The following ROR1 variants were observed in gnomAD, a reference collection of about 807,000 sequenced individuals.
The protein encoded by ROR1 is inactive tyrosine-protein kinase transmembrane receptor ROR1.
A neutral mutation model predicts 78.8 loss-of-function variants in ROR1; 19 were observed. That is an observed-to-expected ratio of 0.24 (90% CI 0.17 to 0.35). ROR1 has a LOEUF of 0.35. Ranked by LOEUF, ROR1 falls within the 10% of genes least tolerant of loss-of-function variation. The pLI, the probability that ROR1 is intolerant of heterozygous loss-of-function variation, is 1.00. For synonymous variants in ROR1, 386 were observed against 433.6 expected (o/e 0.89, Z 1.36); for missense variants, 917 against 1,177.8 (o/e 0.78, Z 3.24).
intron 1 of ROR1, among the ~76,000 whole-genome samples, chr1:63,846,100 T>G (rs901812200): frequency 2.6e-4 from 39 of 150,740 alleles, no homozygotes; most frequent in African/African-American, 9.2e-4. Context: ...TATTTTTTAT[T>G]TGACAGAGAG....
chr1:63,816,814 T>G (rs929705315), intron 1 of ROR1, among the ~76,000 whole-genome samples: 6 of 152,196 alleles, frequency 3.9e-5, no homozygotes, highest in African/African-American at 1.4e-4. Flanking sequence ...TTTATGGGCT[T>G]TTTGTAAGGA....
At chr1:64,110,928 CTTT>C (rs1272931149) in intron 4 of ROR1, 1 of 151,896 alleles carries the variant, frequency 6.6e-6, no homozygotes, top group African/African-American at 2.4e-5. Context: ...TGATCCAAAT[CTTT>C]TCCTCCAAAA....
intron 1 of ROR1, among the ~76,000 whole-genome samples, chr1:63,795,451 C>T (rs146502039): frequency 7.8e-4 from 119 of 152,288 alleles, no homozygotes; most frequent in Middle Eastern, 3.4e-3. Context: ...AAAATCCTGT[C>T]GAAACCTTGA....
chr1:63,798,854 A>C (rs1174160362), intron 1 of ROR1, among the ~76,000 whole-genome samples: 3 of 152,000 alleles, frequency 2.0e-5, no homozygotes, highest in Non-Finnish European at 4.4e-5. Flanking sequence ...TCTCTGGTTC[A>C]TCTCTGGACT....
intron 1 of ROR1, among the ~76,000 whole-genome samples, chr1:63,798,477 A>G (rs1173731196): frequency 1.3e-5 from 2 of 152,150 alleles, no homozygotes; most frequent in African/African-American, 4.8e-5. Flanking sequence ...GATGGGTCCT[A>G]GTATTATACA....
intron 1 of ROR1, among the ~76,000 whole-genome samples, chr1:63,979,976 G>A (rs1315277983): frequency 6.6e-6 from 1 of 152,160 alleles, no homozygotes; most frequent in Non-Finnish European, 1.5e-5. Flanking sequence ...TGGAATAGCT[G>A]CATGTGGTAT....
chr1:63,789,797 AT>A (rs1256738881), intron 1 of ROR1, among the ~76,000 whole-genome samples: 3 of 150,814 alleles, frequency 2.0e-5, no homozygotes, highest in Non-Finnish European at 4.4e-5. Context: ...ATGGTGTTTA[AT>A]TTTCATGCAT....
intron 1 of ROR1, among the ~76,000 whole-genome samples, chr1:63,862,476 G>C (rs1440351313): frequency 1.3e-5 from 2 of 149,554 alleles, no homozygotes; most frequent in East Asian, 3.9e-4. Flanking sequence ...CACCTTCTCT[G>C]TCTGATCTCC....
At chr1:64,142,801 T>G in intron 7 of ROR1, 151 bp downstream of exon 7, 2 of 1,444,202 alleles carry the variant, frequency 1.4e-6, no homozygotes, top group Non-Finnish European at 1.8e-6. Context: ...CCTTGCCGTT[T>G]CTACATAAAA....
At chr1:63,898,622 T>G in intron 1 of ROR1, among the ~76,000 whole-genome samples, 1 of 146,242 alleles carries the variant, frequency 6.8e-6, no homozygotes, top group South Asian at 2.2e-4. Context: ...AGAGGGAAAG[T>G]AGAAAGGAGA....
intron 7 of ROR1, 21 bp from the exon 8 acceptor site, chr1:64,158,960 C>G (rs748268408): frequency 3.1e-6 from 5 of 1,595,208 alleles, no homozygotes; most frequent in Non-Finnish European, 4.3e-6. Flanking sequence ...AACTTTTGCT[C>G]TTTTTCATTT....
chr1:64,143,460 T>C (rs768050977), intron 7 of ROR1: 128 of 959,056 alleles, frequency 1.3e-4, no homozygotes, highest in Non-Finnish European at 1.5e-4. Flanking sequence ...ATAGATATCA[T>C]AGATAATGCC....
intron 7 of ROR1, among the ~76,000 whole-genome samples, chr1:64,157,924 A>G (rs1400419562): frequency 6.6e-6 from 1 of 152,200 alleles, no homozygotes; most frequent in African/African-American, 2.4e-5. Flanking sequence ...GTAAATAATC[A>G]TCTCTGAATT....
At chr1:64,146,390 C>T (rs539608196) in intron 7 of ROR1, among the ~76,000 whole-genome samples, 20 of 152,268 alleles carry the variant, frequency 1.3e-4, no homozygotes, top group African/African-American at 4.8e-4. Flanking sequence ...GCATGAGAAT[C>T]GCTTGAACTT....
chr1:63,877,048 A>G (rs1030844099), intron 1 of ROR1, among the ~76,000 whole-genome samples: 1 of 152,124 alleles, frequency 6.6e-6, no homozygotes, highest in Non-Finnish European at 1.5e-5. Flanking sequence ...GAGGGCACAC[A>G]ATGATTAGCG....
chr1:63,816,205 C>T (rs1221795024), intron 1 of ROR1, among the ~76,000 whole-genome samples: 1 of 152,126 alleles, frequency 6.6e-6, no homozygotes, highest in Non-Finnish European at 1.5e-5. Context: ...GAGAGTGGGC[C>T]TTCAACTGGA....
At chr1:63,788,831 C>A (rs1039172547) in intron 1 of ROR1, 4 of 671,624 alleles carry the variant, frequency 6.0e-6, no homozygotes, top group Admixed American at 5.5e-5. Context: ...TGGGCCTCAA[C>A]CTGGTTAGCC....
At chr1:63,779,815 C>T (rs144307530) in intron 1 of ROR1, among the ~76,000 whole-genome samples, 1 of 152,052 alleles carries the variant, frequency 6.6e-6, no homozygotes, top group Non-Finnish European at 1.5e-5. Flanking sequence ...CATCCCCTGC[C>T]CCCAGCCACA....
intron 4 of ROR1, among the ~76,000 whole-genome samples, chr1:64,127,825 C>G (rs1419457952): frequency 6.6e-6 from 1 of 152,174 alleles, no homozygotes. Context: ...TGCTCGTGAG[C>G]TTCCAATCTC....
Sources: allele counts gnomAD v4.1 joint callset (sites outside exome capture counted in the v4.1 genomes callset), GRCh38; gene constraint gnomAD v4.1.1; transcripts MANE v1.5; gene names NCBI Gene and HGNC (gene_info 2026-07-23, HGNC 2026-07-21).